Variants in FYTTD1 observed in about 807,000 individuals in gnomAD.
FYTTD1 encodes the protein UAP56-interacting factor.
In FYTTD1, 22 loss-of-function variants were observed where a neutral mutation model predicts 40.9. The observed-to-expected ratio is 0.54, with a 90% CI of 0.38 to 0.77. The LOEUF is 0.77. Ranked by LOEUF, FYTTD1 falls within the 30% of genes least tolerant of loss-of-function variation. The pLI is 0.00. For missense variants in FYTTD1, 351 were observed against 392.2 expected, an observed-to-expected ratio of 0.90 and a Z score of 0.89; for synonymous variants, 140 against 137.9, an observed-to-expected ratio of 1.01 and a Z score of -0.10.
rs1056325043 is a variant in FYTTD1, at chr3:197,785,867, A to G, written c.*3958A>G. Reference sequence around the variant, plus strand: ...TTATTATTATTTTGCCACTGTGAAAAAGCAGTTAAGCATGTAAAACTTCCC... The same window carrying G: ...TTATTATTATTTTGCCACTGTGAAAGAGCAGTTAAGCATGTAAAACTTCCC... On this transcript the variant is annotated 3_prime_UTR_variant, in exon 9 of 9. Coordinates refer to ENST00000241502, the MANE Select transcript of FYTTD1 (RefSeq NM_032288.7). The G allele has an allele frequency of 6.6e-6, 1 of 151,556 alleles. No individual in the cohort carries two copies. Among genetic ancestry groups the G allele is most frequent in the Non-Finnish European group, 1.5e-5 (1 of 67,920 alleles). The allele number at this position is 151,556 out of a possible 1,614,324, so 9.4% of individuals were successfully genotyped here. A position where few individuals can be genotyped will look rare whatever the true frequency, so the allele number is the denominator to read the frequency against.
intron 2 of FYTTD1, among the ~76,000 whole-genome samples, chr3:197,757,843 G>A (rs933940100): frequency 1.3e-5 from 2 of 152,222 alleles, no homozygotes; most frequent in Non-Finnish European, 2.9e-5. Flanking sequence ...TTGAACCTAA[G>A]GGAGTAAATT....
intron 7 of FYTTD1, among the ~76,000 whole-genome samples, chr3:197,777,730 T>A (rs1349068800): frequency 6.6e-6 from 1 of 152,184 alleles, no homozygotes; most frequent in Non-Finnish European, 1.5e-5. Flanking sequence ...TTGATTTTTT[T>A]AAGAGATAAC....
rs539786304 is a variant in FYTTD1 at position 197,774,619 on chromosome 3, A to G, written c.656+409A>G. 5.3e-5 allele frequency among the ~76,000 whole-genome samples: 8 copies of G among 152,112 alleles called. No homozygotes were observed. The East Asian group carries it at 1.4e-3, about 26-fold the overall frequency. ...ACCAGTGCACACCAGCCTGAGCAGC[A>G]TAGCTCGATGACCAGTGCACACCAT... On this transcript the variant is annotated intron_variant, in intron 6 of 8. Transcript: ENST00000241502.
intron 4 of FYTTD1, 96 bp downstream of exon 4, chr3:197,770,340 A>G: frequency 2.7e-6 from 2 of 749,898 alleles, no homozygotes; most frequent in Non-Finnish European, 4.5e-6. Flanking sequence ...TTTTTTAGTT[A>G]TCTGGTCATT....
At position 197,780,273 on chromosome 3, in the gene FYTTD1, T is replaced by C. The variant is rs367704044; in HGVS notation, c.859-1538T>C. 2.6e-3 allele frequency among the ~76,000 whole-genome samples: 399 copies of C among 152,310 alleles called. 2 individuals carry two copies. The highest frequency in any genetic ancestry group is 8.9e-3 in the African/African-American group (371 of 41,554). Reference sequence around the variant, plus strand: ...GGGTTTCAGATAGGGTTTCGCTACATTGCCCAGGCTGGTCTTGAACTCCTA... The same window carrying C: ...GGGTTTCAGATAGGGTTTCGCTACACTGCCCAGGCTGGTCTTGAACTCCTA... On this transcript the variant is annotated intron_variant, in intron 8 of 8. Coordinates refer to ENST00000241502, the MANE Select transcript of FYTTD1 (RefSeq NM_032288.7).
rs1204670305 is a variant in FYTTD1, at chr3:197,768,500, T to C, written c.297T>C (p.Asn99=). ...TAATGCCTGGAAAGAGACGTCCTAA[T>C]GGAGTTATCACTGGCCTTGCAGCTA... ...GRVMPGKRRP[N]GVITGLAARK... Residue 99 remains asparagine, a synonymous_variant, in exon 3 of 9, where the codon AAT becomes AAC. Coordinates refer to ENST00000241502, the MANE Select transcript of FYTTD1 (RefSeq NM_032288.7). 6.2e-7 allele frequency: 1 copy of C among 1,613,112 alleles called. No individual in the cohort carries two copies. The highest frequency in any genetic ancestry group is 8.5e-7 in the Non-Finnish European group (1 of 1,179,168).
rs1730123850 is a variant in FYTTD1, at chr3:197,784,993, A to G, written c.*3084A>G. On this transcript the variant is annotated 3_prime_UTR_variant, in exon 9 of 9. Coordinates refer to ENST00000241502, the MANE Select transcript of FYTTD1 (RefSeq NM_032288.7). ...TAATTGATAATAAACTGCTTTGGTG[A>G]ATTAACACCCACAGAAAATAGTGGA... The G allele has an allele frequency of 6.6e-6, 1 of 152,158 alleles. No individual in the cohort carries two copies. Among genetic ancestry groups the G allele is most frequent in the Non-Finnish European group, 1.5e-5 (1 of 68,026 alleles). The allele number at this position is 152,158 out of a possible 1,614,324, so 9.4% of individuals were successfully genotyped here. A position where few individuals can be genotyped will look rare whatever the true frequency, so the allele number is the denominator to read the frequency against.
chr3:197,752,693 A>G (rs1251086593), intron 1 of FYTTD1, among the ~76,000 whole-genome samples: 1 of 152,038 alleles, frequency 6.6e-6, no homozygotes, highest in African/African-American at 2.4e-5. Flanking sequence ...TTATACATAC[A>G]CTACATATAT....
In FYTTD1 at chr3:197,751,112, T is replaced by C. The variant is rs769819224; in HGVS notation, c.103+1038T>C. ...GCGTACCCTTTCCCAGGACGGTCTT[T>C]AGAGTGATAACTGTCTTGGAAACCT... On this transcript the variant is annotated intron_variant, in intron 1 of 8. Transcript: ENST00000241502. 3.9e-5 allele frequency among the ~76,000 whole-genome samples: 6 copies of C among 152,202 alleles called. No individual in the cohort carries two copies. In the South Asian group the frequency reaches 6.2e-4, roughly 16 times the overall value.
At chr3:197,780,614 C>T (rs1338178860) in intron 8 of FYTTD1, among the ~76,000 whole-genome samples, 2 of 151,658 alleles carry the variant, frequency 1.3e-5, no homozygotes. Flanking sequence ...ATGATCTTGG[C>T]TGACTGCAAC....
intron 2 of FYTTD1, among the ~76,000 whole-genome samples, chr3:197,766,591 C>T (rs1033525776): frequency 2.4e-4 from 36 of 151,906 alleles, no homozygotes; most frequent in African/African-American, 6.3e-4. Context: ...TACAGGTACG[C>T]GCCACTGCAC....
chr3:197,767,931 A>T (rs1202315173), intron 2 of FYTTD1, among the ~76,000 whole-genome samples: 1 of 152,204 alleles, frequency 6.6e-6, no homozygotes, highest in Non-Finnish European at 1.5e-5. Flanking sequence ...TAAATTGGAG[A>T]TGAGATAGTG....
In FYTTD1 at chr3:197,778,324, T is replaced by A; in HGVS notation, c.732-14T>A. 2 of 1,581,348 alleles carry A rather than the reference T, an allele frequency of 1.3e-6. No homozygotes were observed. The highest frequency in any genetic ancestry group is 1.7e-6 in the Non-Finnish European group (2 of 1,163,938). ...TTGTTAAGCTGCTCTGATATTTTAA[T>A]ATTTTTCTAATAGAACTCAGAAACC... On this transcript the variant is annotated splice_polypyrimidine_tract_variant and intron_variant, in intron 7 of 8. Coordinates refer to ENST00000241502, the MANE Select transcript of FYTTD1 (RefSeq NM_032288.7).
chr3:197,763,195 C>T (rs1021339274), intron 2 of FYTTD1, among the ~76,000 whole-genome samples: 1 of 152,076 alleles, frequency 6.6e-6, no homozygotes, highest in African/African-American at 2.4e-5. Flanking sequence ...GGGTGGATCA[C>T]CTGAGGTCAG....
intron 2 of FYTTD1, among the ~76,000 whole-genome samples, chr3:197,760,418 A>C (rs1729346328): frequency 6.6e-6 from 1 of 151,516 alleles, no homozygotes; most frequent in Non-Finnish European, 1.5e-5. Context: ...GAATGTATAG[A>C]GTTGTTCTTC....
chr3:197,754,728 G>C (rs1336303850), intron 1 of FYTTD1, among the ~76,000 whole-genome samples: 2 of 148,012 alleles, frequency 1.4e-5, no homozygotes, highest in Non-Finnish European at 3.0e-5. Context: ...GCAGTGGCGT[G>C]ATTGTGGCTC....
intron 4 of FYTTD1, among the ~76,000 whole-genome samples, chr3:197,770,869 T>C (rs1729696483): frequency 2.0e-5 from 3 of 152,222 alleles, no homozygotes. Flanking sequence ...TCTTAACATC[T>C]TAGTGGGAAT....
intron 2 of FYTTD1, among the ~76,000 whole-genome samples, chr3:197,765,846 A>C (rs1729527715): frequency 6.6e-6 from 1 of 152,088 alleles, no homozygotes; most frequent in Non-Finnish European, 1.5e-5. Flanking sequence ...AATATAAAAA[A>C]TTAGCCGGGC....
intron 1 of FYTTD1, among the ~76,000 whole-genome samples, chr3:197,755,419 C>T (rs1318233275): frequency 6.6e-6 from 1 of 151,666 alleles, no homozygotes. Context: ...TTTTTGATTA[C>T]CTATATATTG....
Sources: allele counts gnomAD v4.1 joint callset (sites outside exome capture counted in the v4.1 genomes callset), GRCh38; gene constraint gnomAD v4.1.1; transcripts MANE v1.5; gene names NCBI Gene and HGNC (gene_info 2026-07-23, HGNC 2026-07-21).